The following SUGCT variants were observed in gnomAD, a reference collection of about 807,000 sequenced individuals.
SUGCT encodes succinyl-CoA:glutarate-CoA transferase.
A neutral mutation model predicts 55.0 loss-of-function variants in SUGCT; 41 were observed. The observed-to-expected ratio is 0.74, with a 90% CI of 0.58 to 0.97. The LOEUF is 0.97. Among genes scored for constraint, SUGCT ranks in the 50% least tolerant of loss-of-function variants. The pLI, the probability that SUGCT is intolerant of heterozygous loss-of-function variation, is 0.00. For synonymous variants in SUGCT, 187 were observed against 200.4 expected, an observed-to-expected ratio of 0.93 and a Z score of 0.56; for missense variants, 568 against 547.8, an observed-to-expected ratio of 1.04 and a Z score of -0.37.
At chr7:40,406,610 T>G (rs1225793382) in intron 9 of SUGCT, among the ~76,000 whole-genome samples, 11 of 152,198 alleles carry the variant, frequency 7.2e-5, no homozygotes, top group Non-Finnish European at 1.5e-4. Flanking sequence ...GGTCTTTTCA[T>G]TAGGCAAGGA....
At chr7:40,718,381 A>G (rs1218684372) in intron 12 of SUGCT, among the ~76,000 whole-genome samples, 1 of 152,188 alleles carries the variant, frequency 6.6e-6, no homozygotes, top group Admixed American at 6.6e-5. Flanking sequence ...TCTGTTTTTC[A>G]TGTTGTGATA....
chr7:40,315,730 G>A (rs995712388), intron 8 of SUGCT, among the ~76,000 whole-genome samples: 10 of 152,182 alleles, frequency 6.6e-5, no homozygotes, highest in Admixed American at 1.3e-4. Flanking sequence ...TTTAATGACA[G>A]GCTTTGTAGG....
chr7:40,251,832 G>A (rs1052193402), intron 7 of SUGCT, among the ~76,000 whole-genome samples: 2 of 151,744 alleles, frequency 1.3e-5, no homozygotes, highest in Non-Finnish European at 2.9e-5. Flanking sequence ...CACACAGGCA[G>A]CACTTCAATC....
At chr7:40,981,792 G>C in the SUGCT span, among the ~76,000 whole-genome samples, 4 of 152,172 alleles carry the variant, frequency 2.6e-5, no homozygotes, top group African/African-American at 9.7e-5. Flanking sequence ...CTTTCCTCCA[G>C]CTTCCAATAA....
intron 13 of SUGCT, among the ~76,000 whole-genome samples, chr7:40,779,795 A>G (rs911649465): frequency 6.6e-6 from 1 of 152,148 alleles, no homozygotes; most frequent in Non-Finnish European, 1.5e-5. Flanking sequence ...AATGTCACCT[A>G]TGTCTCCCTT....
intron 8 of SUGCT, among the ~76,000 whole-genome samples, chr7:40,314,900 A>G (rs564020092): frequency 1.3e-5 from 2 of 152,234 alleles, no homozygotes; most frequent in South Asian, 4.2e-4. Context: ...GTTAAGAGGA[A>G]TAATAGAGCC....
chr7:40,669,823 C>A (rs1333459602), intron 12 of SUGCT, among the ~76,000 whole-genome samples: 1 of 151,428 alleles, frequency 6.6e-6, no homozygotes, highest in Non-Finnish European at 1.5e-5. Context: ...ATCTAACAGC[C>A]CTGTTACTGG....
intron 13 of SUGCT, among the ~76,000 whole-genome samples, chr7:40,854,579 G>T (rs2128803887): frequency 6.6e-6 from 1 of 151,898 alleles, no homozygotes; most frequent in African/African-American, 2.4e-5. Context: ...GTCTTTGAGA[G>T]TTTGCAAATA....
chr7:40,414,503 C>T (rs553924288), intron 9 of SUGCT, among the ~76,000 whole-genome samples: 17 of 152,224 alleles, frequency 1.1e-4, no homozygotes, highest in African/African-American at 3.6e-4. Context: ...GATTGCTAGA[C>T]TTATTTCCAA....
chr7:40,761,013 T>C (rs1024949871), intron 13 of SUGCT, among the ~76,000 whole-genome samples: 1 of 152,262 alleles, frequency 6.6e-6, no homozygotes, highest in African/African-American at 2.4e-5. Context: ...TCATTAATTT[T>C]TCAACCATTA....
the SUGCT span, among the ~76,000 whole-genome samples, chr7:41,026,154 C>T: frequency 2.6e-5 from 4 of 152,272 alleles, no homozygotes; most frequent in East Asian, 3.9e-4. Context: ...CATGGGCCTG[C>T]GACCTGCGTA....
downstream of SUGCT, among the ~76,000 whole-genome samples, chr7:40,865,320 G>C (rs1350292618): frequency 6.6e-6 from 1 of 152,132 alleles, no homozygotes; most frequent in African/African-American, 2.4e-5. Context: ...ATAACTAGTG[G>C]TAATTCTCAC....
the SUGCT span, among the ~76,000 whole-genome samples, chr7:40,895,523 T>C: frequency 0.016 from 2,438 of 152,284 alleles, 30 homozygotes; most frequent in Non-Finnish European, 0.026. Context: ...ATCCGTGGGA[T>C]GCAAGGATAG....
chr7:40,139,727 T>C (rs1345788932), intron 1 of SUGCT, among the ~76,000 whole-genome samples: 1 of 152,170 alleles, frequency 6.6e-6, no homozygotes, highest in Non-Finnish European at 1.5e-5. Context: ...AGAAGCTTTT[T>C]AGTTTAATGA....
chr7:40,365,564 G>A (rs549342931), intron 9 of SUGCT, among the ~76,000 whole-genome samples: 2 of 152,124 alleles, frequency 1.3e-5, no homozygotes, highest in South Asian at 4.1e-4. Flanking sequence ...CTTCAGCAAA[G>A]TCTCAGGATA....
chr7:40,659,517 A>T (rs1030095398), intron 12 of SUGCT, among the ~76,000 whole-genome samples: 1 of 152,222 alleles, frequency 6.6e-6, no homozygotes, highest in African/African-American at 2.4e-5. Context: ...ACCTCAGCTC[A>T]TAAGTCACAA....
rs1046549667 is a variant in SUGCT at position 40,200,439 on chromosome 7, GA to G, written c.484+5380del. Among the ~76,000 whole-genome samples the G allele has an allele frequency of 3.4e-5, 5 of 148,902 alleles. No individual in the cohort carries two copies. The East Asian group carries it at 7.7e-4, about 23-fold the overall frequency. On this transcript the variant is annotated intron_variant, in intron 6 of 13. Coordinates refer to ENST00000335693, the MANE Select transcript of SUGCT (RefSeq NM_001193313.2). The stretch of plus-strand genomic sequence containing the variant: ...GGCTTGTCAGGGAAGGTTTTTTTTT[GA>G]GGGGGGTAACATTTAAGAGACCTGA...
intron 8 of SUGCT, among the ~76,000 whole-genome samples, chr7:40,306,113 C>T (rs902685752): frequency 8.5e-5 from 13 of 152,170 alleles, no homozygotes; most frequent in Non-Finnish European, 1.9e-4. Context: ...TTCATTCATT[C>T]CTTTGCCCCC....
intron 12 of SUGCT, among the ~76,000 whole-genome samples, chr7:40,501,839 T>C (rs1284769449): frequency 6.6e-6 from 1 of 152,130 alleles, no homozygotes; most frequent in Non-Finnish European, 1.5e-5. Context: ...TCTGAGCATT[T>C]CTAATAGCAA....
Sources: allele counts gnomAD v4.1 joint callset (sites outside exome capture counted in the v4.1 genomes callset), GRCh38; gene constraint gnomAD v4.1.1; transcripts MANE v1.5; gene names NCBI Gene and HGNC (gene_info 2026-07-23, HGNC 2026-07-21).